NRF1: variants seen among roughly 807,000 people sequenced by gnomAD.
The protein encoded by NRF1 is alpha palindromic-binding protein.
In NRF1, 5 loss-of-function variants were observed where a neutral mutation model predicts 58.5. The ratio of observed to expected loss-of-function variants is 0.09; its 90% CI spans 0.04 to 0.18. NRF1 has a LOEUF of 0.18. NRF1 is among the 10% of genes least tolerant of loss of function. The pLI is 1.00. For missense variants in NRF1, 288 were observed against 657.7 expected (o/e 0.44, Z 6.15); for synonymous variants, 224 against 246.7 (o/e 0.91, Z 0.86).
At chr7:129,648,730 T>C (rs1296082799) in intron 1 of NRF1, among the ~76,000 whole-genome samples, 1 of 152,200 alleles carries the variant, frequency 6.6e-6, no homozygotes, top group African/African-American at 2.4e-5. Flanking sequence ...ATTAATACTC[T>C]ATACTCCTAG....
chr7:129,709,910 A>G (rs1394502031), intron 6 of NRF1, among the ~76,000 whole-genome samples: 1 of 151,634 alleles, frequency 6.6e-6, no homozygotes, highest in Non-Finnish European at 1.5e-5. Context: ...TTGTATTTTC[A>G]GTAGAGATGG....
At chr7:129,627,410 A>G (rs923343153) in intron 1 of NRF1, among the ~76,000 whole-genome samples, 1 of 151,848 alleles carries the variant, frequency 6.6e-6, no homozygotes, top group African/African-American at 2.4e-5. Context: ...TCGTAGATAC[A>G]AGGTCTCACC....
chr7:129,623,280 G>A (rs1026735572), intron 1 of NRF1, among the ~76,000 whole-genome samples: 5 of 152,068 alleles, frequency 3.3e-5, no homozygotes, highest in African/African-American at 4.8e-5. Flanking sequence ...GATAGCATTG[G>A]TCTTTTATTT....
intron 9 of NRF1, among the ~76,000 whole-genome samples, chr7:129,723,299 C>T (rs925135841): frequency 2.0e-5 from 3 of 151,844 alleles, no homozygotes; most frequent in Non-Finnish European, 4.4e-5. Context: ...CAAAATTAGC[C>T]GGGCATGGTG....
intron 5 of NRF1, among the ~76,000 whole-genome samples, chr7:129,694,141 C>T (rs537517271): frequency 1.3e-5 from 2 of 152,122 alleles, no homozygotes; most frequent in East Asian, 3.9e-4. Flanking sequence ...CCCTCTTTCC[C>T]CTTCTTACCA....
At chr7:129,744,253 A>G (rs1210830583) in intron 10 of NRF1, 5 of 1,546,832 alleles carry the variant, frequency 3.2e-6, no homozygotes, top group Non-Finnish European at 4.4e-6. Flanking sequence ...TGGGGAAAGA[A>G]GGAAGCAGCT....
intron 7 of NRF1, among the ~76,000 whole-genome samples, chr7:129,711,112 T>A (rs538188318): frequency 1.3e-5 from 2 of 152,240 alleles, no homozygotes; most frequent in South Asian, 4.1e-4. Context: ...ACAGTTTCAC[T>A]CTCAGTGATC....
chr7:129,698,885 C>T (rs1479407873), intron 5 of NRF1, among the ~76,000 whole-genome samples: 10 of 152,182 alleles, frequency 6.6e-5, no homozygotes, highest in Admixed American at 3.3e-4. Context: ...CTGCTCTTTA[C>T]CAGACTTGGG....
At position 129,690,514 on chromosome 7, in the gene NRF1, G is replaced by A. The variant is rs774042493; in HGVS notation, c.574G>A (p.Gly192Arg). 1.9e-6 allele frequency: 3 copies of A among 1,614,164 alleles called. No homozygotes were observed. The highest frequency in any genetic ancestry group is 1.1e-5 in the South Asian group (1 of 91,078). ...AGAACTGCCGCCTCTCACCATCGAC[G>A]GAATTCCAGTCTCTGTGGACAAAAT... ...NSELPPLTID[G>R]IPVSVDKMTQ... The change falls in exon 5 of 11, where the codon GGA becomes AGA. Residue 192 changes from glycine to arginine, a missense_variant. Coordinates refer to ENST00000393232, the MANE Select transcript of NRF1 (RefSeq NM_005011.5).
chr7:129,662,390 G>GTGTGTGTGTC (rs1326230150), intron 2 of NRF1, among the ~76,000 whole-genome samples: 1 of 36,356 alleles, frequency 2.8e-5, no homozygotes, highest in African/African-American at 2.6e-4. Context: ...TCTAGTGTGT[G>GTGTGTGTGTC]TGTGTGTGTG....
At chr7:129,636,027 C>T (rs1047775647) in intron 1 of NRF1, among the ~76,000 whole-genome samples, 4 of 152,104 alleles carry the variant, frequency 2.6e-5, no homozygotes, top group African/African-American at 7.2e-5. Context: ...TGAAATGTAA[C>T]GGGCTTTTTC....
At chr7:129,706,665 A>G (rs1162847885) in intron 5 of NRF1, among the ~76,000 whole-genome samples, 1 of 152,164 alleles carries the variant, frequency 6.6e-6, no homozygotes, top group East Asian at 1.9e-4. Context: ...CCACCTTTCA[A>G]GTAACATTGA....
chr7:129,676,204 C>T (rs1039856886), intron 3 of NRF1, among the ~76,000 whole-genome samples: 2 of 152,174 alleles, frequency 1.3e-5, no homozygotes, highest in South Asian at 2.1e-4. Flanking sequence ...AGCAATAAAA[C>T]TGTTTTGCTT....
intron 2 of NRF1, among the ~76,000 whole-genome samples, chr7:129,666,381 G>A (rs187878310): frequency 1.4e-4 from 22 of 152,234 alleles, no homozygotes; most frequent in Non-Finnish European, 2.5e-4. Flanking sequence ...TGTTTTGCAT[G>A]TGTTAAATTT....
intron 5 of NRF1, among the ~76,000 whole-genome samples, chr7:129,698,952 G>C (rs559365243): frequency 6.6e-6 from 1 of 152,300 alleles, no homozygotes; most frequent in East Asian, 1.9e-4. Flanking sequence ...ATCTGTATTA[G>C]AAGACATCCA....
At chr7:129,687,985 T>A (rs1482802390) in intron 4 of NRF1, among the ~76,000 whole-genome samples, 1 of 152,212 alleles carries the variant, frequency 6.6e-6, no homozygotes, top group African/African-American at 2.4e-5. Context: ...CAAAAGATGT[T>A]TTAAAAGAAT....
chr7:129,722,166 G>A (rs1803342248), intron 9 of NRF1, among the ~76,000 whole-genome samples: 1 of 152,038 alleles, frequency 6.6e-6, no homozygotes, highest in Non-Finnish European at 1.5e-5. Context: ...AAGCCGAGGT[G>A]GGTGAATCAC....
At chr7:129,707,153 C>G (rs1467446464) in intron 5 of NRF1, among the ~76,000 whole-genome samples, 1 of 152,066 alleles carries the variant, frequency 6.6e-6, no homozygotes. Context: ...GCCACTGTAA[C>G]CGACTGAGTT....
chr7:129,637,016 A>G (rs1801181349), intron 1 of NRF1, among the ~76,000 whole-genome samples: 1 of 152,202 alleles, frequency 6.6e-6, no homozygotes. Context: ...CCCACAGACC[A>G]GTCAATAAGA....
Sources: allele counts gnomAD v4.1 joint callset (sites outside exome capture counted in the v4.1 genomes callset), GRCh38; gene constraint gnomAD v4.1.1; transcripts MANE v1.5; gene names NCBI Gene and HGNC (gene_info 2026-07-23, HGNC 2026-07-21).